Variants in SEMA4G observed in about 807,000 individuals in gnomAD.
SEMA4G encodes the protein semaphorin-4G.
SEMA4G carries 59 observed loss-of-function variants against 81.2 expected under a neutral mutation model. The ratio of observed to expected loss-of-function variants is 0.73; its 90% CI spans 0.59 to 0.90. The LOEUF (loss-of-function observed/expected upper bound fraction) is 0.90. SEMA4G is among the 40% of genes least tolerant of loss of function. The pLI, the probability that SEMA4G is intolerant of heterozygous loss-of-function variation, is 0.00. For missense variants in SEMA4G, 952 were observed against 1,102.3 expected (o/e 0.86, Z 1.93); for synonymous variants, 404 against 433.9 (o/e 0.93, Z 0.86).
At chr10:100,981,377 A>G in intron 13 of SEMA4G, 148 bp downstream of exon 14, 1 of 1,610,270 alleles carries the variant, frequency 6.2e-7, no homozygotes, top group Admixed American at 1.7e-5. Flanking sequence ...GGCACAGAGT[A>G]AGTGCTCAAC....
chr10:100,973,068 G>T lies in SEMA4G; in HGVS notation c.124+32G>T. On this transcript the variant is annotated intron_variant, in intron 1 of 13. Transcript: ENST00000370250. The surrounding 1 kb of genome is among the most constrained non-coding windows in gnomAD (Gnocchi z 5.5). ...CCCTCAACCTCAAAAGGCAGCAGAA[G>T]CCAGGGCTGGGGGTGGGGAGGCACC... The T allele has an allele frequency of 6.2e-7, 1 of 1,614,146 alleles. No individual in the cohort carries two copies. The highest frequency in any genetic ancestry group is 8.5e-7 in the Non-Finnish European group (1 of 1,180,018).
Position 100,983,299 on chromosome 10 carries a change from C to G in SEMA4G, c.1691-6C>G. ...CTGGTACTGACCTCTCCCCCAAACC[C>G]CACAGGGCCACCACCACCACTGAAG... is the stretch of plus-strand genomic sequence containing the variant. On this transcript the variant is annotated splice_polypyrimidine_tract_variant and splice_region_variant and intron_variant, in intron 13 of 13. Coordinates refer to ENST00000370250, the Ensembl canonical transcript of SEMA4G. 5 of 1,524,228 alleles carry G rather than the reference C, an allele frequency of 3.3e-6. No homozygotes were observed. Among genetic ancestry groups the G allele is most frequent in the Non-Finnish European group, 4.4e-6 (5 of 1,132,092 alleles). The allele number at this position is 1,524,228 out of a possible 1,614,324, so 94.4% of individuals were successfully genotyped here.
At chr10:100,975,307 G>A (rs1168702177) in intron 3 of SEMA4G, among the ~76,000 whole-genome samples, 3 of 152,222 alleles carry the variant, frequency 2.0e-5, no homozygotes, top group African/African-American at 7.2e-5. Context: ...CCCAAGTGAA[G>A]TTGATGCTGC....
exon 1 of SEMA4G, chr10:100,972,743 A>G: frequency 1.9e-6 from 1 of 537,350 alleles, no homozygotes; most frequent in African/African-American, 2.0e-5. Context: ...CGATTCCAGG[A>G]CCCCCCATGG....
chr10:100,981,146 A>C, intron 12 of SEMA4G, 22 bp from the exon 14 acceptor site: 2 of 1,614,098 alleles, frequency 1.2e-6, no homozygotes, highest in Non-Finnish European at 8.5e-7. Context: ...CCTTGTTCAT[A>C]AAACCTGATC....
At chr10:100,977,757 C>G (rs765551350) in intron 4 of SEMA4G, 27 bp downstream of exon 5, 10 of 1,542,154 alleles carry the variant, frequency 6.5e-6, no homozygotes, top group Admixed American at 3.3e-5. Context: ...TGTGCCAGAT[C>G]TCTGTTGACT....
At chr10:100,982,399 G>A (rs1197540218) in intron 13 of SEMA4G, among the ~76,000 whole-genome samples, 1 of 152,218 alleles carries the variant, frequency 6.6e-6, no homozygotes, top group Non-Finnish European at 1.5e-5. Context: ...ATGAAGAATG[G>A]ATTACATGGG....
exon 4 of SEMA4G, chr10:100,977,708 T>C (rs1300897600): frequency 9.9e-6 from 16 of 1,613,900 alleles, no homozygotes; most frequent in African/African-American, 1.3e-5. Flanking sequence ...ACTCACGCCT[T>C]CCAGCCCCTC....
At position 100,980,997 on chromosome 10, in the gene SEMA4G, G is replaced by T. The variant is rs752779759; in HGVS notation, c.1628+15G>T. The T allele has an allele frequency of 1.3e-5, 20 of 1,593,086 alleles. 1 individual carries two copies. The South Asian group carries it at 2.2e-4, about 17-fold the overall frequency. On this transcript the variant is annotated intron_variant, in intron 12 of 13. Transcript: ENST00000370250. ...ATAGCCAACAGGTCCCAGGGAAGCAGGTGGGAAGTGGTGGGGGGTGACAGT... is the reference window on the plus strand; with the variant it reads ...ATAGCCAACAGGTCCCAGGGAAGCATGTGGGAAGTGGTGGGGGGTGACAGT...
intron 13 of SEMA4G, among the ~76,000 whole-genome samples, chr10:100,982,708 C>T (rs901033684): frequency 1.3e-5 from 2 of 152,194 alleles, no homozygotes; most frequent in African/African-American, 4.8e-5. Context: ...AAGATAATCG[C>T]GTGAACCAGG....
At chr10:100,984,784 G>A in exon 14 of SEMA4G, 1 of 1,535,882 alleles carries the variant, frequency 6.5e-7, no homozygotes, top group Non-Finnish European at 8.7e-7. Context: ...AAGAGCTTGG[G>A]AACGGGCCAG....
rs1850666516 is a variant in SEMA4G, at chr10:100,972,663, A to T, written c.-250A>T. ...TGCATTTGATGCAGAAAGGCATGTG[A>T]TCCCTCCCTCCTTCTGACCTCTTAG... On this transcript the variant is annotated 5_prime_UTR_variant, in exon 1 of 14. The change abolishes the stop of an existing upstream ORF in the 5' untranslated region. Coordinates refer to ENST00000370250, the Ensembl canonical transcript of SEMA4G. 1 of 461,180 alleles carries T rather than the reference A, an allele frequency of 2.2e-6. No homozygotes were observed. The highest frequency in any genetic ancestry group is 4.0e-5 in the Admixed American group (1 of 25,062). 28.6% of individuals were successfully genotyped at this position (461,180 alleles called of 1,614,324 possible).
chr10:100,984,580 G>A (rs1447859281), exon 14 of SEMA4G: 1 of 1,536,156 alleles, frequency 6.5e-7, no homozygotes, highest in Non-Finnish European at 8.7e-7. Flanking sequence ...CAAGACCTCT[G>A]CCAGCCACCT....
chr10:100,984,510 A>G (rs1851323614), exon 14 of SEMA4G: 2 of 1,535,914 alleles, frequency 1.3e-6, no homozygotes, highest in South Asian at 2.4e-5. Flanking sequence ...GCAGGTCCAT[A>G]TGGGCTCAAT....
chr10:100,979,464 T>G (rs1307049498), intron 8 of SEMA4G, 193 bp downstream of exon 9: 1 of 1,413,230 alleles, frequency 7.1e-7, no homozygotes, highest in African/African-American at 1.4e-5. Flanking sequence ...CTCACTGCAA[T>G]CTCCGCCTCC....
At chr10:100,985,496 C>T (rs1006217092), downstream of SEMA4G, 1 of 152,704 alleles carries the variant, frequency 6.5e-6, no homozygotes, top group Non-Finnish European at 1.5e-5. Flanking sequence ...AGAATGGCTA[C>T]ACTTCTTTAG....
chr10:100,981,618 A>C, intron 13 of SEMA4G: 1 of 1,551,158 alleles, frequency 6.4e-7, no homozygotes, highest in Non-Finnish European at 8.9e-7. Flanking sequence ...CACTGATCTA[A>C]ATACTTCTAT....
chr10:100,977,792 A>G (rs1208220520), intron 4 of SEMA4G, 62 bp downstream of exon 5: 1 of 1,367,888 alleles, frequency 7.3e-7, no homozygotes, highest in Non-Finnish European at 1.0e-6. Context: ...ATCATGTTCA[A>G]GATGCCAAAG....
chr10:100,984,408 A>G, exon 14 of SEMA4G: 2 of 1,460,446 alleles, frequency 1.4e-6, no homozygotes, highest in Non-Finnish European at 1.8e-6. Flanking sequence ...GCCAGTTCCT[A>G]TCCCCTAACC....
Sources: allele counts gnomAD v4.1 joint callset (sites outside exome capture counted in the v4.1 genomes callset), GRCh38; gene constraint gnomAD v4.1.1; non-coding constraint Gnocchi (gnomAD v3.1); transcripts MANE v1.5; gene names NCBI Gene and HGNC (gene_info 2026-07-23, HGNC 2026-07-21).